NRXN1: variants seen among roughly 807,000 people sequenced by gnomAD.
NRXN1 encodes the protein neurexin-1.
In NRXN1, 39 loss-of-function variants were observed where a neutral mutation model predicts 150.9. The ratio of observed to expected loss-of-function variants is 0.26; its 90% CI spans 0.20 to 0.34. The LOEUF (loss-of-function observed/expected upper bound fraction) is 0.34, where lower values mean the gene tolerates loss of function less well. Ranked by LOEUF, NRXN1 falls within the 10% of genes least tolerant of loss-of-function variation. NRXN1 has a pLI of 1.00. For missense variants in NRXN1, 1,815 were observed against 1,949.9 expected, an observed-to-expected ratio of 0.93 and a Z score of 1.30; for synonymous variants, 924 against 757.0, an observed-to-expected ratio of 1.22 and a Z score of -3.62.
intron 15 of NRXN1, among the ~76,000 whole-genome samples, chr2:50,482,993 G>A (rs1468309282): frequency 7.0e-6 from 1 of 143,494 alleles, no homozygotes; most frequent in Non-Finnish European, 1.5e-5. Flanking sequence ...AGTGGTTGCA[G>A]TGAGCCAAGA....
At chr2:50,782,528 T>C (rs913529209) in intron 5 of NRXN1, among the ~76,000 whole-genome samples, 8 of 152,094 alleles carry the variant, frequency 5.3e-5, no homozygotes, top group African/African-American at 1.9e-4. Context: ...AGCTGGATTG[T>C]AGCACCTGCG....
At chr2:50,827,153 A>G (rs550689579) in intron 5 of NRXN1, among the ~76,000 whole-genome samples, 199 of 152,354 alleles carry the variant, frequency 1.3e-3, no homozygotes, top group Admixed American at 2.5e-3. Context: ...GTAACAGTCT[A>G]TTCAATCAAG....
At chr2:50,662,615 T>G (rs1370419326) in intron 5 of NRXN1, among the ~76,000 whole-genome samples, 2 of 152,012 alleles carry the variant, frequency 1.3e-5, no homozygotes, top group Non-Finnish European at 2.9e-5. Context: ...TGCGATTTTT[T>G]TTGTTGTTGT....
At chr2:50,443,001 G>A (rs776470633) in intron 17 of NRXN1, among the ~76,000 whole-genome samples, 6 of 152,098 alleles carry the variant, frequency 3.9e-5, no homozygotes, top group Admixed American at 1.3e-4. Context: ...ATGCTTTCAC[G>A]GGAGCCAGAT....
intron 2 of NRXN1, among the ~76,000 whole-genome samples, chr2:50,953,885 C>G (rs1471091222): frequency 6.6e-6 from 1 of 151,970 alleles, no homozygotes; most frequent in Non-Finnish European, 1.5e-5. Context: ...TGAGTCACAC[C>G]AATTGTCATT....
intron 19 of NRXN1, among the ~76,000 whole-genome samples, chr2:50,067,397 T>C (rs1695528468): frequency 6.6e-6 from 1 of 152,212 alleles, no homozygotes; most frequent in African/African-American, 2.4e-5. Context: ...TAAATACAGG[T>C]AACCTTGTGA....
chr2:50,099,148 A>C (rs1700675807), intron 18 of NRXN1, among the ~76,000 whole-genome samples: 1 of 151,888 alleles, frequency 6.6e-6, no homozygotes, highest in Non-Finnish European at 1.5e-5. Flanking sequence ...TGGTCCTAAG[A>C]ATGTCTAATA....
chr2:49,971,844 C>T (rs1356732989), intron 21 of NRXN1, among the ~76,000 whole-genome samples: 1 of 151,866 alleles, frequency 6.6e-6, no homozygotes, highest in African/African-American at 2.4e-5. Context: ...CTTAAGGTAC[C>T]AAAAGTAAAA....
intron 5 of NRXN1, among the ~76,000 whole-genome samples, chr2:50,907,918 T>C (rs925825958): frequency 3.3e-5 from 5 of 152,132 alleles, no homozygotes; most frequent in Admixed American, 3.3e-4. Context: ...ATGGCATCAA[T>C]AGAAAACTAA....
intron 18 of NRXN1, among the ~76,000 whole-genome samples, chr2:50,113,248 C>T (rs1702608612): frequency 6.6e-6 from 1 of 152,146 alleles, no homozygotes; most frequent in Non-Finnish European, 1.5e-5. Flanking sequence ...TTAATTTCTT[C>T]CTCTCCTGAT....
chr2:50,550,956 C>A (rs924143056), intron 9 of NRXN1, among the ~76,000 whole-genome samples: 1 of 151,626 alleles, frequency 6.6e-6, no homozygotes, highest in South Asian at 2.1e-4. Context: ...GCTGGGATTA[C>A]GGGCGTGAGC....
At chr2:50,655,875 GAA>G (rs915149745) in intron 5 of NRXN1, among the ~76,000 whole-genome samples, 9 of 151,980 alleles carry the variant, frequency 5.9e-5, no homozygotes, top group African/African-American at 1.7e-4. Flanking sequence ...AATAAGAAAA[GAA>G]ATTCTCTGGC....
chr2:50,271,469 G>A (rs1241246566), intron 17 of NRXN1, among the ~76,000 whole-genome samples: 1 of 152,064 alleles, frequency 6.6e-6, no homozygotes, highest in African/African-American at 2.4e-5. Context: ...TTTTAGGAAT[G>A]GTTATTTCCA....
chr2:50,619,951 G>C (rs994149860), intron 8 of NRXN1, 71 bp downstream of exon 8: 2 of 1,367,420 alleles, frequency 1.5e-6, no homozygotes, highest in African/African-American at 2.9e-5. Context: ...CTTCAGCAAA[G>C]GTGCTTTCAT....
chr2:50,091,605 C>A, intron 18 of NRXN1, 111 bp from the exon 19 acceptor site: 1 of 1,135,410 alleles, frequency 8.8e-7, no homozygotes, highest in Non-Finnish European at 1.3e-6. Context: ...CAGCTGCTTT[C>A]CTCCAATTTT....
intron 2 of NRXN1, among the ~76,000 whole-genome samples, chr2:50,950,598 T>C (rs1018359035): frequency 2.0e-5 from 3 of 152,316 alleles, no homozygotes; most frequent in Admixed American, 6.5e-5. Flanking sequence ...CTGTGCATTT[T>C]AGAATGTTAA....
At chr2:50,255,922 A>C (rs1232397432) in intron 17 of NRXN1, among the ~76,000 whole-genome samples, 1 of 152,142 alleles carries the variant, frequency 6.6e-6, no homozygotes, top group Admixed American at 6.6e-5. Context: ...TCAAAGAATG[A>C]CATGACTTTC....
At chr2:50,537,261 T>A (rs985926642) in intron 10 of NRXN1, among the ~76,000 whole-genome samples, 1 of 152,206 alleles carries the variant, frequency 6.6e-6, no homozygotes, top group Non-Finnish European at 1.5e-5. Context: ...GCTAAATATG[T>A]AATAAAGCAA....
chr2:50,181,514 G>A (rs2060713092), intron 18 of NRXN1, among the ~76,000 whole-genome samples: 1 of 152,058 alleles, frequency 6.6e-6, no homozygotes, highest in Non-Finnish European at 1.5e-5. Context: ...GGGCAAATCA[G>A]TTACCTTCTC....
Sources: allele counts gnomAD v4.1 joint callset (sites outside exome capture counted in the v4.1 genomes callset), GRCh38; gene constraint gnomAD v4.1.1; transcripts MANE v1.5; gene names NCBI Gene and HGNC (gene_info 2026-07-23, HGNC 2026-07-21).